ANO4: variants seen among roughly 807,000 people sequenced by gnomAD.
The protein encoded by ANO4 is anoctamin-4.
ANO4 carries 69 observed loss-of-function variants against 141.9 expected under a neutral mutation model. The observed-to-expected ratio is 0.49, with a 90% CI of 0.40 to 0.59. The LOEUF (loss-of-function observed/expected upper bound fraction) is 0.59. ANO4 is among the 20% of genes least tolerant of loss of function. The pLI is 0.00. For synonymous variants in ANO4, 350 were observed against 394.3 expected (o/e 0.89, Z 1.33); for missense variants, 894 against 1,162.2 (o/e 0.77, Z 3.36).
chr12:100,767,787 C>T (rs1231489891), intron 3 of ANO4, among the ~76,000 whole-genome samples: 2 of 152,212 alleles, frequency 1.3e-5, no homozygotes, highest in African/African-American at 4.8e-5. Flanking sequence ...AGAAGGGAAG[C>T]CACTACAGTT....
chr12:100,763,751 T>C (rs1593289610), intron 3 of ANO4, among the ~76,000 whole-genome samples: 1 of 152,250 alleles, frequency 6.6e-6, no homozygotes, highest in Admixed American at 6.5e-5. Flanking sequence ...CCACCACTTA[T>C]AACCCCATTT....
chr12:100,847,138 G>T (rs1247801750), intron 1 of ANO4, among the ~76,000 whole-genome samples: 1 of 152,214 alleles, frequency 6.6e-6, no homozygotes, highest in Non-Finnish European at 1.5e-5. Flanking sequence ...AGTATGTGAA[G>T]TGAGGGCAGG....
intron 14 of ANO4, among the ~76,000 whole-genome samples, chr12:101,051,475 A>G (rs905798977): frequency 1.3e-5 from 2 of 152,200 alleles, no homozygotes; most frequent in African/African-American, 4.8e-5. Flanking sequence ...ATTCCCAGAA[A>G]TGTGCTAGTT....
At chr12:100,986,287 A>T (rs2044705035) in intron 7 of ANO4, among the ~76,000 whole-genome samples, 2 of 152,162 alleles carry the variant, frequency 1.3e-5, no homozygotes, top group Non-Finnish European at 2.9e-5. Flanking sequence ...TTTCCAGTGT[A>T]AAGGCCTGAG....
chr12:100,717,955 C>T (rs139598794), intron 1 of ANO4, among the ~76,000 whole-genome samples: 1 of 152,280 alleles, frequency 6.6e-6, no homozygotes, highest in African/African-American at 2.4e-5. Flanking sequence ...AACTTTTCAG[C>T]CTCTGCATTT....
Position 101,018,606 on chromosome 12 carries a change from A to G in ANO4, c.735-1428A>G, listed in dbSNP as rs558785769. On this transcript the variant is annotated intron_variant, in intron 8 of 27. Transcript: ENST00000392977. The stretch of plus-strand genomic sequence containing the variant: ...TTCTCTTCCTCTCATTATTTGAACA[A>G]CTCCTGAGAATTCATTTCCTTGAAG... 1.9e-3 allele frequency among the ~76,000 whole-genome samples: 284 copies of G among 152,018 alleles called. 2 individuals are homozygous for G. Among genetic ancestry groups the G allele is most frequent in the African/African-American group, 6.4e-3 (267 of 41,454 alleles).
At chr12:101,106,843 A>T (rs1409119197) in intron 22 of ANO4, among the ~76,000 whole-genome samples, 2 of 151,690 alleles carry the variant, frequency 1.3e-5, no homozygotes, top group Non-Finnish European at 2.9e-5. Context: ...TTTTTCCCAA[A>T]GAATTTTTAA....
chr12:100,733,080 T>C (rs1181196168), intron 1 of ANO4, among the ~76,000 whole-genome samples: 3 of 152,198 alleles, frequency 2.0e-5, no homozygotes, highest in African/African-American at 7.2e-5. Flanking sequence ...TAAGTCCTTC[T>C]ACTCTCATCT....
intron 19 of ANO4, 80 bp downstream of exon 19, chr12:101,096,727 C>T (rs2049999714): frequency 9.3e-7 from 1 of 1,078,396 alleles, no homozygotes; most frequent in Non-Finnish European, 1.4e-6. Context: ...GACAGAGAAG[C>T]CCTCCCTTAG....
intron 14 of ANO4, among the ~76,000 whole-genome samples, chr12:101,065,227 AG>A (rs2136759399): frequency 6.6e-6 from 1 of 152,286 alleles, no homozygotes; most frequent in East Asian, 1.9e-4. Context: ...GAAATTGTGA[AG>A]AAGGAAACAG....
chr12:100,811,211 A>C (rs1010579643), intron 1 of ANO4, among the ~76,000 whole-genome samples: 17 of 152,168 alleles, frequency 1.1e-4, no homozygotes, highest in African/African-American at 4.1e-4. Context: ...TGAATTAAAT[A>C]TGGCTGAAAA....
chr12:100,774,420 G>A (rs184842920), intron 3 of ANO4, among the ~76,000 whole-genome samples: 24 of 152,194 alleles, frequency 1.6e-4, no homozygotes, highest in African/African-American at 5.5e-4. Flanking sequence ...TTAGGTCATG[G>A]GGTGTAACTA....
chr12:101,017,645 C>T (rs2046364253), intron 8 of ANO4, among the ~76,000 whole-genome samples: 1 of 152,202 alleles, frequency 6.6e-6, no homozygotes, highest in Admixed American at 6.5e-5. Context: ...AACAGAGTCA[C>T]CACAGGGGTA....
chr12:100,921,942 G>A (rs1236110984), intron 2 of ANO4, among the ~76,000 whole-genome samples: 2 of 152,120 alleles, frequency 1.3e-5, no homozygotes, highest in Middle Eastern at 3.4e-3. Flanking sequence ...TATTTTTTAC[G>A]TAGGGAATTA....
intron 3 of ANO4, among the ~76,000 whole-genome samples, chr12:100,766,775 T>C (rs2033102635): frequency 6.6e-6 from 1 of 152,182 alleles, no homozygotes; most frequent in East Asian, 1.9e-4. Flanking sequence ...ATTGATTTTC[T>C]GGCAGAATAA....
chr12:101,079,327 C>A, intron 15 of ANO4, 52 bp downstream of exon 15: 1 of 1,453,676 alleles, frequency 6.9e-7, no homozygotes, highest in Non-Finnish European at 9.5e-7. Flanking sequence ...CCCAGAACCA[C>A]ACGACCCCCC....
intron 1 of ANO4, among the ~76,000 whole-genome samples, chr12:100,809,000 C>T (rs1307210877): frequency 6.6e-6 from 1 of 152,070 alleles, no homozygotes; most frequent in African/African-American, 2.4e-5. Context: ...TGAACACTTA[C>T]TATAGACCAA....
chr12:101,006,574 A>G (rs2045881387), intron 8 of ANO4, among the ~76,000 whole-genome samples: 1 of 152,236 alleles, frequency 6.6e-6, no homozygotes, highest in Non-Finnish European at 1.5e-5. Context: ...TCCACTAGCA[A>G]GACAATGAGC....
chr12:101,048,199 C>A, intron 13 of ANO4, 142 bp from the exon 14 acceptor site: 1 of 1,053,272 alleles, frequency 9.5e-7, no homozygotes, highest in Non-Finnish European at 1.3e-6. Context: ...ATTTATGGTT[C>A]AAAAGGAATA....
Sources: gnomAD v4.1 joint callset for allele counts (sites outside exome capture counted in the v4.1 genomes callset) on GRCh38, gnomAD v4.1.1 for gene constraint, MANE v1.5 for transcripts, NCBI Gene and HGNC (gene_info 2026-07-23, HGNC 2026-07-21) for gene names.